CSMD3: variants seen among roughly 807,000 people sequenced by gnomAD.
CSMD3 encodes the protein CUB and sushi domain-containing protein 3.
In CSMD3, 177 loss-of-function variants were observed where a neutral mutation model predicts 435.2. That is an observed-to-expected ratio of 0.41 (90% CI 0.36 to 0.46). The LOEUF (loss-of-function observed/expected upper bound fraction) is 0.46, where lower values mean the gene tolerates loss of function less well. CSMD3 is among the 20% of genes least tolerant of loss of function. CSMD3 has a pLI of 0.34. For missense variants in CSMD3, 4,265 were observed against 4,504.6 expected, an observed-to-expected ratio of 0.95 and a Z score of 1.52; for synonymous variants, 1,656 against 1,520.5, an observed-to-expected ratio of 1.09 and a Z score of -2.07.
At chr8:113,436,529 G>A in intron 1 of CSMD3, 148 bp downstream of exon 1, 4 of 809,376 alleles carry the variant, frequency 4.9e-6, no homozygotes, top group South Asian at 4.2e-5. Flanking sequence ...TCCTATCTGA[G>A]GGGGGGAGAA....
intron 42 of CSMD3, among the ~76,000 whole-genome samples, chr8:112,339,726 C>T (rs1414964882): frequency 6.6e-6 from 1 of 152,084 alleles, no homozygotes; most frequent in Non-Finnish European, 1.5e-5. Flanking sequence ...TATAACTTTT[C>T]CAAATTCAGA....
chr8:112,692,159 C>T lies in CSMD3; in HGVS notation c.1973-2109G>A, dbSNP rs2076151730. ...CTTTTCTTTTTATATTTTTGGATTCCATCTTCAGTTTTCTTTTGGATTATA... is the reference window on the plus strand; with the variant it reads ...CTTTTCTTTTTATATTTTTGGATTCTATCTTCAGTTTTCTTTTGGATTATA... On this transcript the variant is annotated intron_variant, in intron 13 of 70. Transcript: ENST00000297405. 2.0e-5 allele frequency among the ~76,000 whole-genome samples: 3 copies of T among 151,780 alleles called. No individual in the cohort carries two copies. In the South Asian group the frequency reaches 6.3e-4, roughly 32 times the overall value.
At chr8:113,138,074 C>A (rs563350232) in intron 4 of CSMD3, among the ~76,000 whole-genome samples, 1 of 151,428 alleles carries the variant, frequency 6.6e-6, no homozygotes, top group Non-Finnish European at 1.5e-5. Flanking sequence ...TAATGTAATT[C>A]CAAATTGTCT....
At chr8:113,045,440 T>C (rs939475834) in intron 5 of CSMD3, among the ~76,000 whole-genome samples, 10 of 149,494 alleles carry the variant, frequency 6.7e-5, no homozygotes, top group African/African-American at 2.4e-4. Context: ...CTTCTAAATA[T>C]ATGCCTTTAA....
chr8:113,359,164 A>C (rs2094254473), intron 1 of CSMD3, among the ~76,000 whole-genome samples: 1 of 152,208 alleles, frequency 6.6e-6, no homozygotes, highest in South Asian at 2.1e-4. Flanking sequence ...ACCAACTATG[A>C]TTCTGGCACA....
intron 10 of CSMD3, among the ~76,000 whole-genome samples, chr8:112,905,306 G>A (rs113036892): frequency 2.3e-5 from 3 of 129,888 alleles, no homozygotes; most frequent in East Asian, 2.5e-4. Context: ...TATACTATGT[G>A]TATATATATA....
At chr8:112,397,984 C>T (rs1190377556) in intron 35 of CSMD3, among the ~76,000 whole-genome samples, 1 of 152,274 alleles carries the variant, frequency 6.6e-6, no homozygotes, top group South Asian at 2.1e-4. Flanking sequence ...TATGATTCAT[C>T]CTGAGGCAAA....
chr8:112,365,533 T>C (rs1240989825), intron 38 of CSMD3, among the ~76,000 whole-genome samples: 2 of 144,780 alleles, frequency 1.4e-5, no homozygotes, highest in East Asian at 4.2e-4. Flanking sequence ...CATGTTTGAA[T>C]AGAATCTACT....
chr8:112,844,433 T>C (rs1192602471), intron 11 of CSMD3, among the ~76,000 whole-genome samples: 2 of 152,020 alleles, frequency 1.3e-5, no homozygotes, highest in Non-Finnish European at 2.9e-5. Context: ...CCATTCTCTC[T>C]TGTAGCTAAG....
intron 3 of CSMD3, among the ~76,000 whole-genome samples, chr8:113,249,977 G>A (rs574066159): frequency 6.6e-6 from 1 of 151,986 alleles, no homozygotes; most frequent in Non-Finnish European, 1.5e-5. Context: ...AAAGATATAA[G>A]GGAAGTTAGT....
chr8:113,073,172 G>T (rs2089198440), intron 5 of CSMD3, among the ~76,000 whole-genome samples: 1 of 151,744 alleles, frequency 6.6e-6, no homozygotes, highest in African/African-American at 2.4e-5. Flanking sequence ...TACTATTTGA[G>T]ATTCAACATA....
In CSMD3 at chr8:112,301,890, A is replaced by G. The variant is rs776320848; in HGVS notation, c.8343T>C (p.Ala2781=). The stretch of plus-strand genomic sequence containing the variant: ...TGAATCCCAAGTCGCAGGTAAAGAT[A>G]GCTGTTGAGCCATATGAAGTTTGAG... ...IGTQTSYGST[A]IFTCDLGFML... The change falls in exon 53 of 71, where the codon GCT becomes GCC. Residue 2781 remains alanine, a synonymous_variant. Coordinates refer to ENST00000297405, the MANE Select transcript of CSMD3 (RefSeq NM_198123.2). 10 of 1,613,180 alleles carry G rather than the reference A, an allele frequency of 6.2e-6. No homozygotes were observed. The highest frequency in any genetic ancestry group is 8.5e-6 in the Non-Finnish European group (10 of 1,179,306).
At chr8:112,283,656 G>A (rs1190398863) in intron 58 of CSMD3, among the ~76,000 whole-genome samples, 2 of 151,274 alleles carry the variant, frequency 1.3e-5, no homozygotes, top group Admixed American at 6.6e-5. Flanking sequence ...TAACTGTATG[G>A]TTTTCCATAC....
chr8:112,607,596 C>A (rs1448227206), intron 22 of CSMD3, among the ~76,000 whole-genome samples: 1 of 151,856 alleles, frequency 6.6e-6, no homozygotes, highest in East Asian at 1.9e-4. Context: ...TTTAACAAAC[C>A]AAATTCAACA....
intron 11 of CSMD3, among the ~76,000 whole-genome samples, chr8:112,848,492 T>A (rs1192118696): frequency 1.3e-5 from 2 of 152,096 alleles, no homozygotes; most frequent in Admixed American, 6.6e-5. Flanking sequence ...TGCTTACACA[T>A]CCTTAAATAC....
intron 11 of CSMD3, among the ~76,000 whole-genome samples, chr8:112,839,508 G>A (rs995747171): frequency 7.3e-5 from 11 of 151,616 alleles, no homozygotes; most frequent in Non-Finnish European, 1.0e-4. Context: ...TGATCAACTT[G>A]AATTTACAGA....
chr8:112,251,048 A>G lies in CSMD3; in HGVS notation c.10110+3205T>C, dbSNP rs1306223053. Among the ~76,000 whole-genome samples, 10 of 151,776 alleles carry G rather than the reference A, an allele frequency of 6.6e-5. No homozygotes were observed. The East Asian group carries it at 1.7e-3, about 26-fold the overall frequency. The stretch of plus-strand genomic sequence containing the variant: ...TAAGCTCTATTTTCCCTTCCATGAG[A>G]TTTCATGGCAAATAACACTTGGCAT... On this transcript the variant is annotated intron_variant, in intron 63 of 70. Coordinates refer to ENST00000297405, the MANE Select transcript of CSMD3 (RefSeq NM_198123.2).
At chr8:112,673,517 T>C (rs2075704785) in intron 16 of CSMD3, among the ~76,000 whole-genome samples, 1 of 152,110 alleles carries the variant, frequency 6.6e-6, no homozygotes, top group African/African-American at 2.4e-5. Flanking sequence ...TTGTTAGATA[T>C]AAATATATAT....
At chr8:112,378,137 C>A (rs1426066182) in intron 38 of CSMD3, among the ~76,000 whole-genome samples, 1 of 150,548 alleles carries the variant, frequency 6.6e-6, no homozygotes. Context: ...GTCATCTTGC[C>A]CCAGTTAAAG....
Sources: allele counts gnomAD v4.1 joint callset (sites outside exome capture counted in the v4.1 genomes callset), GRCh38; gene constraint gnomAD v4.1.1; transcripts MANE v1.5; gene names NCBI Gene and HGNC (gene_info 2026-07-23, HGNC 2026-07-21).